The following MGAT4A variants were observed in gnomAD, a reference collection of about 807,000 sequenced individuals.
MGAT4A encodes N-acetylglucosaminyltransferase IVa.
A neutral mutation model predicts 74.1 loss-of-function variants in MGAT4A; 33 were observed. That is an observed-to-expected ratio of 0.45 (90% CI 0.34 to 0.60). The LOEUF (loss-of-function observed/expected upper bound fraction) is 0.60. Ranked by LOEUF, MGAT4A falls within the 20% of genes least tolerant of loss-of-function variation. MGAT4A has a pLI of 0.02. For synonymous variants in MGAT4A, 198 were observed against 210.4 expected, an observed-to-expected ratio of 0.94 and a Z score of 0.51; for missense variants, 479 against 628.3, an observed-to-expected ratio of 0.76 and a Z score of 2.54.
At chr2:98,695,893 T>C (rs1349191956) in intron 2 of MGAT4A, among the ~76,000 whole-genome samples, 1 of 151,560 alleles carries the variant, frequency 6.6e-6, no homozygotes, top group African/African-American at 2.4e-5. Flanking sequence ...TTTTTTTTTT[T>C]TTTGAGACAG....
intron 1 of MGAT4A, among the ~76,000 whole-genome samples, chr2:98,728,485 T>C (rs911816924): frequency 2.6e-5 from 4 of 152,218 alleles, no homozygotes; most frequent in Non-Finnish European, 5.9e-5. Flanking sequence ...TGGTGGCTCA[T>C]GCCTGTAATC....
intron 4 of MGAT4A, among the ~76,000 whole-genome samples, chr2:98,673,155 C>T (rs1470254310): frequency 6.6e-6 from 1 of 152,076 alleles, no homozygotes; most frequent in Non-Finnish European, 1.5e-5. Context: ...ATCCCAGCCG[C>T]TCCCCTGGGG....
chr2:98,709,800 A>T (rs1202761805), intron 2 of MGAT4A, among the ~76,000 whole-genome samples: 2 of 152,206 alleles, frequency 1.3e-5, no homozygotes, highest in Non-Finnish European at 1.5e-5. Flanking sequence ...ATGACTGGCC[A>T]TCTGCCACAG....
At chr2:98,706,754 A>G (rs1484241362) in intron 2 of MGAT4A, among the ~76,000 whole-genome samples, 1 of 152,170 alleles carries the variant, frequency 6.6e-6, no homozygotes, top group African/African-American at 2.4e-5. Context: ...GAATATTCAC[A>G]TCCATAAATC....
chr2:98,662,930 C>T, intron 5 of MGAT4A, 116 bp downstream of exon 5: 1 of 755,698 alleles, frequency 1.3e-6, no homozygotes, highest in Non-Finnish European at 2.0e-6. Flanking sequence ...ATTACCTAAG[C>T]TTTACTCATC....
chr2:98,685,517 C>T (rs1002567382), intron 2 of MGAT4A, among the ~76,000 whole-genome samples: 2 of 151,908 alleles, frequency 1.3e-5, no homozygotes, highest in Non-Finnish European at 2.9e-5. Flanking sequence ...CACTTATAAA[C>T]CTCTTAAGCA....
chr2:98,638,551 T>C (rs1242053905), intron 12 of MGAT4A, among the ~76,000 whole-genome samples: 37 of 152,268 alleles, frequency 2.4e-4, no homozygotes, highest in Non-Finnish European at 1.5e-5. Context: ...CTGTTTCTAA[T>C]TCTATGCTGG....
rs144973764 is a variant in MGAT4A at position 98,665,944 on chromosome 2, G to A, written c.404-2765C>T. Among the ~76,000 whole-genome samples the A allele has an allele frequency of 3.2e-3, 492 of 152,348 alleles. 1 individual carries two copies. Among genetic ancestry groups the A allele is most frequent in the African/African-American group, 0.011 (458 of 41,580 alleles). On this transcript the variant is annotated intron_variant, in intron 4 of 15. Coordinates refer to ENST00000393487, the MANE Select transcript of MGAT4A (RefSeq NM_012214.3). ...GAATAAGCCCAGATTGAGAAAATCA[G>A]TCAGGGGTCACATTGCATATAACAA...
chr2:98,622,340 C>T lies in MGAT4A; in HGVS notation c.*3226G>A, dbSNP rs1440772629. 1 of 985,314 alleles carries T rather than the reference C, an allele frequency of 1.0e-6. No homozygotes were observed. The highest frequency in any genetic ancestry group is 1.7e-5 in the African/African-American group (1 of 57,250). The allele number at this position is 985,314 out of a possible 1,614,324, so 61.0% of individuals were successfully genotyped here. A position where few individuals can be genotyped will look rare whatever the true frequency, so the allele number is the denominator to read the frequency against. The stretch of plus-strand genomic sequence containing the variant: ...GGTGGCCACTAGCTCCACATGGCCA[C>T]TGAGTACTTGGAATGTCACTAGTGT... On this transcript the variant is annotated 3_prime_UTR_variant, in exon 16 of 16. Coordinates refer to ENST00000393487, the MANE Select transcript of MGAT4A (RefSeq NM_012214.3).
chr2:98,724,427 G>A (rs1300008181), intron 2 of MGAT4A, among the ~76,000 whole-genome samples: 1 of 152,116 alleles, frequency 6.6e-6, no homozygotes, highest in Non-Finnish European at 1.5e-5. Flanking sequence ...ATTTAACACA[G>A]AAGATTTTAT....
At chr2:98,691,173 G>A (rs1373032939) in intron 2 of MGAT4A, among the ~76,000 whole-genome samples, 1 of 152,144 alleles carries the variant, frequency 6.6e-6, no homozygotes, top group Non-Finnish European at 1.5e-5. Flanking sequence ...TATAATGGAG[G>A]CTGGGCGCAG....
chr2:98,628,638 T>C lies in MGAT4A; in HGVS notation c.1469-2803A>G, dbSNP rs538663608. 6.6e-5 allele frequency among the ~76,000 whole-genome samples: 10 copies of C among 152,358 alleles called. No homozygotes were observed. The South Asian group carries it at 1.0e-3, about 16-fold the overall frequency. On this transcript the variant is annotated intron_variant, in intron 14 of 15. Coordinates refer to ENST00000393487, the MANE Select transcript of MGAT4A (RefSeq NM_012214.3). ...TATCATTGTATTTAGCCTAATAACG[T>C]ACAGCTCTCACATAACTGCACAATA...
intron 2 of MGAT4A, among the ~76,000 whole-genome samples, chr2:98,710,648 T>C (rs1160315110): frequency 6.6e-6 from 1 of 152,022 alleles, no homozygotes; most frequent in Admixed American, 6.6e-5. Flanking sequence ...TTAGTACAGA[T>C]GGGGGGCGGG....
intron 8 of MGAT4A, among the ~76,000 whole-genome samples, chr2:98,653,685 C>A (rs1197296830): frequency 1.3e-5 from 2 of 152,118 alleles, no homozygotes; most frequent in Non-Finnish European, 2.9e-5. Context: ...AATCAAAAAC[C>A]TCTCAGCAAA....
intron 12 of MGAT4A, among the ~76,000 whole-genome samples, chr2:98,637,052 G>C (rs774273809): frequency 6.6e-6 from 1 of 152,150 alleles, no homozygotes; most frequent in African/African-American, 2.4e-5. Flanking sequence ...GCTCACACCT[G>C]TACTCCCAGC....
chr2:98,709,834 T>C (rs757177805), intron 2 of MGAT4A, among the ~76,000 whole-genome samples: 13 of 152,032 alleles, frequency 8.6e-5, no homozygotes, highest in Non-Finnish European at 1.6e-4. Flanking sequence ...ATAAACTAGT[T>C]GGCAAACTCT....
chr2:98,697,289 T>G (rs978930841), intron 2 of MGAT4A, among the ~76,000 whole-genome samples: 4 of 152,158 alleles, frequency 2.6e-5, no homozygotes, highest in Non-Finnish European at 5.9e-5. Context: ...GAATAAAAAA[T>G]TCCAATCTCT....
At chr2:98,652,062 T>C (rs925619837) in intron 8 of MGAT4A, among the ~76,000 whole-genome samples, 1 of 152,142 alleles carries the variant, frequency 6.6e-6, no homozygotes, top group Non-Finnish European at 1.5e-5. Context: ...GTCTCAGATA[T>C]ATGAAGTCAA....
intron 6 of MGAT4A, 54 bp downstream of exon 6, chr2:98,658,164 C>A: frequency 8.6e-7 from 1 of 1,162,670 alleles, no homozygotes; most frequent in South Asian, 1.4e-5. Flanking sequence ...GCAAGAAACC[C>A]AAGAGATAAT....
Sources: allele counts gnomAD v4.1 joint callset (sites outside exome capture counted in the v4.1 genomes callset), GRCh38; gene constraint gnomAD v4.1.1; transcripts MANE v1.5; gene names NCBI Gene and HGNC (gene_info 2026-07-23, HGNC 2026-07-21).